Variants in TNFRSF8 observed in about 807,000 individuals in gnomAD.
TNFRSF8 encodes tumor necrosis factor receptor superfamily member 8.
In TNFRSF8, 26 loss-of-function variants were observed where a neutral mutation model predicts 70.8. The ratio of observed to expected loss-of-function variants is 0.37; its 90% CI spans 0.27 to 0.51. The LOEUF (loss-of-function observed/expected upper bound fraction) is 0.51, where lower values mean the gene tolerates loss of function less well. Ranked by LOEUF, TNFRSF8 falls within the 20% of genes least tolerant of loss-of-function variation. The pLI is 0.94. For missense variants in TNFRSF8, 720 were observed against 807.9 expected, an observed-to-expected ratio of 0.89 and a Z score of 1.32; for synonymous variants, 356 against 339.2, an observed-to-expected ratio of 1.05 and a Z score of -0.54.
chr1:12,121,335 G>C (rs1160585488), intron 8 of TNFRSF8, among the ~76,000 whole-genome samples: 1 of 152,210 alleles, frequency 6.6e-6, no homozygotes, highest in East Asian at 1.9e-4. Context: ...AAAAATCTGA[G>C]AGGCGTCACG....
chr1:12,135,143 G>A (rs1267015165), intron 12 of TNFRSF8, among the ~76,000 whole-genome samples: 4 of 151,866 alleles, frequency 2.6e-5, no homozygotes, highest in East Asian at 1.9e-4. Flanking sequence ...GTGAAACCCC[G>A]TCTCTACTGA....
At position 12,063,473 on chromosome 1, in the gene TNFRSF8, G is replaced by T. The variant is rs1476934511; in HGVS notation, c.-126G>T. On this transcript the variant is annotated 5_prime_UTR_variant, in exon 1 of 15. Transcript: ENST00000263932. This position sits in a 1 kb window ranked among gnomAD's most constrained non-coding sequence, Gnocchi z 7.2. Reference sequence around the variant, plus strand: ...TGCGGACTAGGTGGCCGCGGCGGGAGTGTGCTGGAGCCTGAAGTCCACGCG... The same window carrying T: ...TGCGGACTAGGTGGCCGCGGCGGGATTGTGCTGGAGCCTGAAGTCCACGCG... 1 of 775,024 alleles carries T rather than the reference G, an allele frequency of 1.3e-6. No individual in the cohort carries two copies. Among genetic ancestry groups the T allele is most frequent in the African/African-American group, 1.8e-5 (1 of 55,356 alleles). 48.0% of individuals were successfully genotyped at this position (775,024 alleles called of 1,614,324 possible).
intron 12 of TNFRSF8, among the ~76,000 whole-genome samples, chr1:12,132,532 G>A (rs1017922966): frequency 5.3e-5 from 8 of 152,198 alleles, no homozygotes; most frequent in African/African-American, 9.6e-5. Flanking sequence ...GAGGTGAAAC[G>A]TCATGCTCAT....
intron 2 of TNFRSF8, among the ~76,000 whole-genome samples, chr1:12,092,219 C>T (rs1641258318): frequency 6.6e-6 from 1 of 152,106 alleles, no homozygotes; most frequent in Admixed American, 6.5e-5. Context: ...TGCTCTGTCA[C>T]CCAGGCTGGA....
intron 8 of TNFRSF8, 117 bp from the exon 9 acceptor site, chr1:12,123,167 T>C: frequency 1.3e-6 from 1 of 766,946 alleles, no homozygotes; most frequent in Admixed American, 3.0e-5. Flanking sequence ...CAAATCTGAC[T>C]GTCTTAGCTC....
chr1:12,107,624 T>C (rs1641547911), intron 4 of TNFRSF8, among the ~76,000 whole-genome samples: 1 of 152,188 alleles, frequency 6.6e-6, no homozygotes, highest in Non-Finnish European at 1.5e-5. Context: ...GCTCCCAGAA[T>C]ATTTGAGCTG....
In TNFRSF8 at chr1:12,132,365, G is replaced by A. The variant is rs1197750151; in HGVS notation, c.1310-3223G>A. ...CCTTAGGCTACTCTGGCCTGTGGCC[G>A]TTTCTCAGATCTTGTTTCTCAAGAC... is the stretch of plus-strand genomic sequence containing the variant. On this transcript the variant is annotated intron_variant, in intron 12 of 14. Transcript: ENST00000263932. Among the ~76,000 whole-genome samples, 8 of 152,346 alleles carry A rather than the reference G, an allele frequency of 5.3e-5. No individual in the cohort carries two copies. The East Asian group carries it at 1.2e-3, about 22-fold the overall frequency.
chr1:12,124,359 C>T (rs1641891827), intron 10 of TNFRSF8, among the ~76,000 whole-genome samples: 1 of 152,128 alleles, frequency 6.6e-6, no homozygotes, highest in Admixed American at 6.5e-5. Context: ...TTCACAGCTT[C>T]ATCCTCGTGG....
At chr1:12,139,016 C>T (rs1410365425) in intron 14 of TNFRSF8, among the ~76,000 whole-genome samples, 2 of 152,194 alleles carry the variant, frequency 1.3e-5, no homozygotes, top group Non-Finnish European at 2.9e-5. Flanking sequence ...AGATGGGGCC[C>T]AGATGTTCAG....
intron 12 of TNFRSF8, among the ~76,000 whole-genome samples, chr1:12,133,107 G>GCTCGGC (rs1433981497): frequency 2.0e-5 from 3 of 152,118 alleles, no homozygotes; most frequent in African/African-American, 7.2e-5. Context: ...CCGCTGCTGT[G>GCTCGGC]CTCGGCCTTT....
At chr1:12,128,839 T>TTTA (rs1641993859) in intron 12 of TNFRSF8, among the ~76,000 whole-genome samples, 1 of 142,406 alleles carries the variant, frequency 7.0e-6, no homozygotes, top group Non-Finnish European at 1.6e-5. Flanking sequence ...AATTCTTTTT[T>TTTA]TTTTTTTTTT....
Position 12,138,518 on chromosome 1 carries a change from A to T in TNFRSF8, c.1543+82A>T, listed in dbSNP as rs528888887. On this transcript the variant is annotated intron_variant, in intron 14 of 14. Transcript: ENST00000263932. The surrounding 1 kb of genome is among the most constrained non-coding windows in gnomAD (Gnocchi z 5.7). ...TACGGGGCCCTGGGCCCTGGAAGGG[A>T]CCTGGAGACCCTGGAGTTGAAAGGC... 287 of 1,349,094 alleles carry T rather than the reference A, an allele frequency of 2.1e-4. 1 individual carries two copies. Among genetic ancestry groups the T allele is most frequent in the Non-Finnish European group, 2.0e-6 (2 of 999,258 alleles). 83.6% of individuals were successfully genotyped at this position (1,349,094 alleles called of 1,614,324 possible). A position where few individuals can be genotyped will look rare whatever the true frequency, so the allele number is the denominator to read the frequency against.
rs1241629545 is a variant in TNFRSF8, at chr1:12,141,773, T to C, written c.1544-514T>C. The stretch of plus-strand genomic sequence containing the variant: ...GAGCAGAAAGGGCCACCAGGCGGAG[T>C]GGGTGGTTTTTTTTTGGGGGATTTC... On this transcript the variant is annotated intron_variant, in intron 14 of 14. Coordinates refer to ENST00000263932, the MANE Select transcript of TNFRSF8 (RefSeq NM_001243.5). This position sits in a 1 kb window ranked among gnomAD's most constrained non-coding sequence, Gnocchi z 5.4. 1.3e-5 allele frequency among the ~76,000 whole-genome samples: 2 copies of C among 151,600 alleles called. No homozygotes were observed. The highest frequency in any genetic ancestry group is 4.8e-5 in the African/African-American group (2 of 41,256).
At chr1:12,079,232 C>A (rs971538343) in intron 1 of TNFRSF8, among the ~76,000 whole-genome samples, 4 of 152,152 alleles carry the variant, frequency 2.6e-5, no homozygotes, top group African/African-American at 4.8e-5. Flanking sequence ...AATAGACAGA[C>A]CTGAAAATGG....
rs113610984 is a variant in TNFRSF8, at chr1:12,137,376, C to T, written c.1336-853C>T. Among the ~76,000 whole-genome samples the T allele has an allele frequency of 1.1e-4, 16 of 152,184 alleles. 1 individual carries two copies. Among genetic ancestry groups the T allele is most frequent in the African/African-American group, 3.9e-4 (16 of 41,528 alleles). On this transcript the variant is annotated intron_variant, in intron 13 of 14. Coordinates refer to ENST00000263932, the MANE Select transcript of TNFRSF8 (RefSeq NM_001243.5). Reference sequence around the variant, plus strand: ...TTTGCACCAATCTAAAAGATACGCCCTCTGTGCCTTGAGAATCATTGCGTC... The same window carrying T: ...TTTGCACCAATCTAAAAGATACGCCTTCTGTGCCTTGAGAATCATTGCGTC...
At chr1:12,105,675 C>T (rs879387077) in intron 4 of TNFRSF8, among the ~76,000 whole-genome samples, 6 of 152,108 alleles carry the variant, frequency 3.9e-5, no homozygotes, top group Admixed American at 6.6e-5. Context: ...TGGTGGCTTA[C>T]GCCTGTAATC....
chr1:12,089,205 C>T (rs1183737811), intron 2 of TNFRSF8, among the ~76,000 whole-genome samples: 4 of 152,192 alleles, frequency 2.6e-5, no homozygotes, highest in Non-Finnish European at 5.9e-5. Context: ...TCCCATGGTT[C>T]CACTTTCCTA....
chr1:12,101,237 C>A (rs773582983), intron 3 of TNFRSF8, among the ~76,000 whole-genome samples: 4 of 151,768 alleles, frequency 2.6e-5, no homozygotes, highest in Non-Finnish European at 5.9e-5. Context: ...CCAGCCTGGG[C>A]AACACAGTGA....
chr1:12,126,196 C>T lies in TNFRSF8; in HGVS notation c.1269C>T (p.Cys423=). 6.2e-7 allele frequency: 1 copy of T among 1,614,200 alleles called. No homozygotes were observed. Among genetic ancestry groups the T allele is most frequent in the African/African-American group, 1.3e-5 (1 of 75,036 alleles). ...RKRIRQKLHL[C]YPVQTSQPKL... ...GTGTCGTTTCAGAGCTCCACCTGTG[C>T]TACCCGGTCCAGACCTCCCAGCCCA... Residue 423 remains cysteine (C), a synonymous_variant, in exon 12 of 15, where the codon TGC becomes TGT. Transcript: ENST00000263932.
Sources: gnomAD v4.1 joint callset for allele counts (sites outside exome capture counted in the v4.1 genomes callset) on GRCh38, gnomAD v4.1.1 for gene constraint, Gnocchi (gnomAD v3.1) non-coding constraint, MANE v1.5 for transcripts, NCBI Gene and HGNC (gene_info 2026-07-23, HGNC 2026-07-21) for gene names.